The following NSUN7 variants were observed in gnomAD, a reference collection of about 807,000 sequenced individuals.
The protein encoded by NSUN7 is NOP2/Sun RNA methyltransferase family member 7.
NSUN7 carries 39 observed loss-of-function variants against 58.5 expected under a neutral mutation model. The observed-to-expected ratio is 0.67, with a 90% CI of 0.52 to 0.87. The LOEUF (loss-of-function observed/expected upper bound fraction) is 0.87, where lower values mean the gene tolerates loss of function less well. Ranked by LOEUF, NSUN7 falls within the 40% of genes least tolerant of loss-of-function variation. The probability of loss-of-function intolerance (pLI) is 0.00; values close to 1 mark genes in which losing one functional copy is unlikely to be tolerated. For missense variants in NSUN7, 765 were observed against 844.1 expected, an observed-to-expected ratio of 0.91 and a Z score of 1.16; for synonymous variants, 278 against 303.7, an observed-to-expected ratio of 0.92 and a Z score of 0.88.
intron 4 of NSUN7, among the ~76,000 whole-genome samples, chr4:40,772,141 T>C (rs1238076063): frequency 6.6e-6 from 1 of 152,168 alleles, no homozygotes; most frequent in Admixed American, 6.5e-5. Flanking sequence ...GTCCAAAATG[T>C]TTACTATCTG....
intron 9 of NSUN7, among the ~76,000 whole-genome samples, chr4:40,795,781 A>G (rs1029320481): frequency 6.6e-6 from 1 of 152,230 alleles, no homozygotes; most frequent in African/African-American, 2.4e-5. Context: ...TAATTACGTA[A>G]TCTGTCATGG....
At position 40,774,767 on chromosome 4, in the gene NSUN7, C is replaced by T. The variant is rs1228094692; in HGVS notation, c.642C>T (p.Ser214=). 2.0e-6 allele frequency: 3 copies of T among 1,489,802 alleles called. No individual in the cohort carries two copies. Among genetic ancestry groups the T allele is most frequent in the South Asian group, 1.2e-5 (1 of 80,340 alleles). The allele number at this position is 1,489,802 out of a possible 1,614,324, so 92.3% of individuals were successfully genotyped here. Residue 214 remains serine, a splice_region_variant and synonymous_variant, in exon 6 of 12, where the codon AGC becomes AGT. Coordinates refer to ENST00000381782, the MANE Select transcript of NSUN7 (RefSeq NM_024677.6). Reference sequence around the variant, plus strand: ...ACAAGCTAATGTTGTATATTTACAGCCCTGAAGAAGTTTATAATAATTTGA... The same window carrying T: ...ACAAGCTAATGTTGTATATTTACAGTCCTGAAGAAGTTTATAATAATTTGA... The part of the protein sequence containing the change: ...LYAWINTCKI[S]PEEVYNNLKR...
At chr4:40,788,802 C>T (rs189837810) in intron 7 of NSUN7, among the ~76,000 whole-genome samples, 1 of 152,290 alleles carries the variant, frequency 6.6e-6, no homozygotes, top group East Asian at 1.9e-4. Flanking sequence ...CAGGGAGGTG[C>T]TCTGCTGAGT....
chr4:40,803,091 C>A (rs201040017), intron 10 of NSUN7, among the ~76,000 whole-genome samples: 4 of 151,782 alleles, frequency 2.6e-5, no homozygotes, highest in Non-Finnish European at 4.4e-5. Context: ...CCAATTTCAT[C>A]CATGTCCCTA....
chr4:40,806,174 TA>T (rs1244015709), intron 10 of NSUN7, among the ~76,000 whole-genome samples: 3 of 152,166 alleles, frequency 2.0e-5, no homozygotes, highest in Non-Finnish European at 4.4e-5. Context: ...TTTGCATTTT[TA>T]GCAGAGACGG....
At chr4:40,764,124 T>C (rs974179486) in intron 4 of NSUN7, among the ~76,000 whole-genome samples, 3 of 151,754 alleles carry the variant, frequency 2.0e-5, no homozygotes, top group African/African-American at 7.3e-5. Flanking sequence ...ATGTGCACAA[T>C]GTGCAGGTTA....
At chr4:40,794,535 T>A in intron 9 of NSUN7, 59 bp downstream of exon 9, 1 of 989,820 alleles carries the variant, frequency 1.0e-6, no homozygotes, top group Non-Finnish European at 1.6e-6. Context: ...GAAATATTAG[T>A]CTTTCACGAT....
intron 4 of NSUN7, among the ~76,000 whole-genome samples, chr4:40,768,792 A>G (rs1741859338): frequency 6.6e-6 from 1 of 152,170 alleles, no homozygotes; most frequent in Admixed American, 6.5e-5. Context: ...GACCAGGTTA[A>G]AAAAAGAGAG....
chr4:40,801,364 A>T (rs1474246107), intron 10 of NSUN7, among the ~76,000 whole-genome samples: 5 of 152,228 alleles, frequency 3.3e-5, no homozygotes, highest in Admixed American at 1.3e-4. Flanking sequence ...TGAATATATT[A>T]ACACACGAGC....
Position 40,758,364 on chromosome 4 carries a change from A to G in NSUN7, c.299-2070A>G, listed in dbSNP as rs1056878303. 3.9e-5 allele frequency among the ~76,000 whole-genome samples: 6 copies of G among 152,346 alleles called. No individual in the cohort carries two copies. In the East Asian group the frequency reaches 9.6e-4, roughly 24 times the overall value. On this transcript the variant is annotated intron_variant, in intron 2 of 11. Coordinates refer to ENST00000381782, the MANE Select transcript of NSUN7 (RefSeq NM_024677.6). The stretch of plus-strand genomic sequence containing the variant: ...AGATGGGAATTGGTTTGAAAGTACT[A>G]AGGATGTGAAACTGTAAACTTCATT...
chr4:40,785,621 A>G (rs1412672136), intron 7 of NSUN7, among the ~76,000 whole-genome samples: 1 of 152,204 alleles, frequency 6.6e-6, no homozygotes, highest in African/African-American at 2.4e-5. Flanking sequence ...TCGGCCTCCC[A>G]AAGTGCTGGG....
chr4:40,790,860 AC>A, intron 8 of NSUN7, 115 bp downstream of exon 8: 1 of 785,982 alleles, frequency 1.3e-6, no homozygotes, highest in Non-Finnish European at 2.0e-6. Flanking sequence ...AATAGCAACC[AC>A]ATATAAAGTA....
In NSUN7 at chr4:40,786,231, G is replaced by A. The variant is rs1742815002; in HGVS notation, c.1037-4371G>A. Reference sequence around the variant, plus strand: ...GAAAGACAACTGTCTTATACAGGCTGCAGTTCAATGAATTTGTAAATACCG... The same window carrying A: ...GAAAGACAACTGTCTTATACAGGCTACAGTTCAATGAATTTGTAAATACCG... On this transcript the variant is annotated intron_variant, in intron 7 of 11. Transcript: ENST00000381782. 1.9e-5 allele frequency: 31 copies of A among 1,613,866 alleles called. No homozygotes were observed. In the South Asian group the frequency reaches 3.3e-4, roughly 17 times the overall value.
chr4:40,806,750 A>C (rs1560566580), intron 10 of NSUN7, among the ~76,000 whole-genome samples: 1 of 152,202 alleles, frequency 6.6e-6, no homozygotes. Context: ...TGATAATGGA[A>C]AGCTTTTACT....
Position 40,808,633 on chromosome 4 carries a change from A to G in NSUN7, c.1851A>G (p.Ala617=), listed in dbSNP as rs915396200. 5.8e-6 allele frequency: 9 copies of G among 1,551,884 alleles called. No individual in the cohort carries two copies. In the African/African-American group the frequency reaches 1.2e-4, roughly 21 times the overall value. ...NKLAPHPAVP[A]FVKNTCPSRP... is the part of the protein sequence containing the mutation. Reference sequence around the variant, plus strand: ...TGGCCCCCCATCCTGCAGTGCCTGCATTTGTGAAGAACACTTGTCCCTCCA... The same window carrying G: ...TGGCCCCCCATCCTGCAGTGCCTGCGTTTGTGAAGAACACTTGTCCCTCCA... Residue 617 remains alanine (A), a synonymous_variant, in exon 12 of 12, where the codon GCA becomes GCG. Transcript: ENST00000381782.
intron 7 of NSUN7, among the ~76,000 whole-genome samples, chr4:40,788,121 C>T (rs184772508): frequency 6.6e-6 from 1 of 152,332 alleles, no homozygotes; most frequent in Non-Finnish European, 1.5e-5. Context: ...GCAAGAGCCA[C>T]CGTGCCCGGC....
At position 40,808,748 on chromosome 4, in the gene NSUN7, G is replaced by A; in HGVS notation, c.1966G>A (p.Val656Ile). The change falls in exon 12 of 12, where the codon GTC (valine) becomes ATC (isoleucine). Residue 656 changes from valine to isoleucine, a missense_variant. Val to Ile is a conservative substitution (Grantham distance 29). Transcript: ENST00000381782. The stretch of plus-strand genomic sequence containing the variant: ...ACCCATCAAGATTGTTCTGCCTCCA[G>A]TCTTTATGCCATTTTCAAGTCCCCA... ...LKPIKIVLPP[V>I]FMPFSSPQGI... The A allele has an allele frequency of 1.3e-6, 2 of 1,550,052 alleles. No homozygotes were observed. Among genetic ancestry groups the A allele is most frequent in the South Asian group, 2.4e-5 (2 of 83,880 alleles).
chr4:40,780,776 CACACACACACAT>C (rs1163661064), intron 7 of NSUN7, among the ~76,000 whole-genome samples: 8 of 69,160 alleles, frequency 1.2e-4, no homozygotes, highest in African/African-American at 3.5e-4. Context: ...CACACACACA[CACACACACACAT>C]ACACATATAT....
intron 7 of NSUN7, among the ~76,000 whole-genome samples, chr4:40,783,416 A>G (rs1004654203): frequency 6.6e-6 from 1 of 152,204 alleles, no homozygotes; most frequent in Admixed American, 6.5e-5. Flanking sequence ...ATAAGAAAAC[A>G]CAGGTAAGTT....
Sources: gnomAD v4.1 joint callset for allele counts (sites outside exome capture counted in the v4.1 genomes callset) on GRCh38, gnomAD v4.1.1 for gene constraint, MANE v1.5 for transcripts, NCBI Gene and HGNC (gene_info 2026-07-23, HGNC 2026-07-21) for gene names.